Variants in SEMA6D observed in about 807,000 individuals in gnomAD.
The protein encoded by SEMA6D is semaphorin 6D.
SEMA6D carries 35 observed loss-of-function variants against 106.6 expected under a neutral mutation model. The observed-to-expected ratio is 0.33, with a 90% CI of 0.25 to 0.44. SEMA6D has a LOEUF of 0.44. Among genes scored for constraint, SEMA6D ranks in the 20% least tolerant of loss-of-function variants. The probability of loss-of-function intolerance (pLI) is 1.00; values close to 1 mark genes in which losing one functional copy is unlikely to be tolerated. For missense variants in SEMA6D, 1,185 were observed against 1,345.9 expected (o/e 0.88, Z 1.87); for synonymous variants, 499 against 487.7 (o/e 1.02, Z -0.31).
chr15:47,527,040 A>G (rs2044783902), intron 3 of SEMA6D, among the ~76,000 whole-genome samples: 1 of 152,148 alleles, frequency 6.6e-6, no homozygotes, highest in Non-Finnish European at 1.5e-5. Flanking sequence ...CCCGGCCTGA[A>G]CCAGTAATTC....
chr15:47,278,807 G>C (rs1289640526), intron 1 of SEMA6D, among the ~76,000 whole-genome samples: 2 of 148,046 alleles, frequency 1.4e-5, no homozygotes, highest in East Asian at 4.1e-4. Flanking sequence ...GTAAGGAAGG[G>C]ATCCAGTTTC....
intron 4 of SEMA6D, among the ~76,000 whole-genome samples, chr15:47,668,172 C>T (rs112172050): frequency 0.028 from 4,267 of 151,200 alleles, 207 homozygotes; most frequent in African/African-American, 0.1. Flanking sequence ...CTGAACTTCA[C>T]TGACTTTATT....
intron 2 of SEMA6D, among the ~76,000 whole-genome samples, chr15:47,424,301 A>C (rs1342212898): frequency 6.6e-6 from 1 of 152,046 alleles, no homozygotes; most frequent in East Asian, 1.9e-4. Flanking sequence ...AGAAGGATTG[A>C]GAATATATAC....
intron 1 of SEMA6D, among the ~76,000 whole-genome samples, chr15:47,293,758 C>G (rs149045140): frequency 6.6e-6 from 1 of 152,116 alleles, no homozygotes; most frequent in African/African-American, 2.4e-5. Flanking sequence ...TAATGCAGCA[C>G]GTGTATGTAG....
intron 4 of SEMA6D, chr15:47,604,217 T>A (rs1287545499): frequency 6.6e-6 from 1 of 152,200 alleles, no homozygotes; most frequent in African/African-American, 2.4e-5. Flanking sequence ...ACCAAATTAA[T>A]TTGACTTTAA....
intron 3 of SEMA6D, among the ~76,000 whole-genome samples, chr15:47,490,710 G>A (rs1265920870): frequency 6.6e-6 from 1 of 152,014 alleles, no homozygotes; most frequent in Non-Finnish European, 1.5e-5. Flanking sequence ...ACATACAGCT[G>A]ACAAAAGATT....
At chr15:47,763,219 A>G in intron 9 of SEMA6D, 115 bp downstream of exon 9, 1 of 702,440 alleles carries the variant, frequency 1.4e-6, no homozygotes, top group Non-Finnish European at 2.3e-6. Flanking sequence ...TTCAGTATAC[A>G]TAGGGCCAAC....
intron 2 of SEMA6D, among the ~76,000 whole-genome samples, chr15:47,455,987 A>G (rs986440585): frequency 6.6e-6 from 1 of 151,928 alleles, no homozygotes; most frequent in African/African-American, 2.4e-5. Flanking sequence ...TGCCATGATG[A>G]TGATGGCGAT....
At chr15:47,259,694 G>C (rs1486549536) in intron 1 of SEMA6D, among the ~76,000 whole-genome samples, 1 of 152,102 alleles carries the variant, frequency 6.6e-6, no homozygotes, top group African/African-American at 2.4e-5. Flanking sequence ...CATTACCAGA[G>C]TCTTGAATCT....
At chr15:47,658,616 G>C (rs888683331) in intron 4 of SEMA6D, among the ~76,000 whole-genome samples, 1 of 152,088 alleles carries the variant, frequency 6.6e-6, no homozygotes, top group African/African-American at 2.4e-5. Context: ...GTTGGACTGC[G>C]CAATCCTTCC....
intron 4 of SEMA6D, among the ~76,000 whole-genome samples, chr15:47,658,271 A>G (rs1303398790): frequency 6.6e-6 from 1 of 152,180 alleles, no homozygotes; most frequent in Non-Finnish European, 1.5e-5. Flanking sequence ...AACTGATCAT[A>G]TTAATAGATA....
At chr15:47,227,567 T>TCA (rs1385153004) in intron 1 of SEMA6D, among the ~76,000 whole-genome samples, 29 of 87,322 alleles carry the variant, frequency 3.3e-4, no homozygotes, top group Non-Finnish European at 3.9e-4. Flanking sequence ...TCTCTCTCTC[T>TCA]CTCACACACA....
chr15:47,687,955 C>T (rs1419072367), intron 4 of SEMA6D, among the ~76,000 whole-genome samples: 2 of 152,074 alleles, frequency 1.3e-5, no homozygotes, highest in Non-Finnish European at 2.9e-5. Flanking sequence ...TTTGATAGCT[C>T]ATGTTCCTGT....
At chr15:47,490,161 C>T (rs2043427681) in intron 3 of SEMA6D, among the ~76,000 whole-genome samples, 1 of 152,132 alleles carries the variant, frequency 6.6e-6, no homozygotes, top group African/African-American at 2.4e-5. Context: ...TCTCCTTAGA[C>T]TTTCAGTTCC....
rs137966494 is a variant in SEMA6D at position 47,689,801 on chromosome 15, C to T, written c.-54-69944C>T. 4.1e-3 allele frequency among the ~76,000 whole-genome samples: 632 copies of T among 152,332 alleles called. 4 individuals are homozygous for T. Among genetic ancestry groups the T allele is most frequent in the African/African-American group, 0.015 (613 of 41,570 alleles). On this transcript the variant is annotated intron_variant, in intron 4 of 19. Transcript: ENST00000558014. ...TTCCCTCCCCTTCTTCTGGGCATGT[C>T]TCTCCGCAGAGGACTGACTTCCATG...
At chr15:47,494,937 C>T (rs2043605555) in intron 3 of SEMA6D, among the ~76,000 whole-genome samples, 1 of 150,602 alleles carries the variant, frequency 6.6e-6, no homozygotes, top group Non-Finnish European at 1.5e-5. Context: ...AAGAGAAATG[C>T]AGTTTTTTGT....
intron 1 of SEMA6D, among the ~76,000 whole-genome samples, chr15:47,337,371 G>C (rs978545936): frequency 6.6e-6 from 1 of 152,124 alleles, no homozygotes; most frequent in African/African-American, 2.4e-5. Context: ...ATTCCCTGGT[G>C]GAAAGGCCCT....
At chr15:47,763,706 C>A (rs2082184725) in intron 9 of SEMA6D, 144 bp from the exon 10 acceptor site, 2 of 743,036 alleles carry the variant, frequency 2.7e-6, no homozygotes, top group African/African-American at 3.5e-5. Flanking sequence ...TCTTACTGAA[C>A]AGATCCCTAG....
At chr15:47,684,125 T>A (rs2078419732) in intron 4 of SEMA6D, among the ~76,000 whole-genome samples, 1 of 152,214 alleles carries the variant, frequency 6.6e-6, no homozygotes, top group African/African-American at 2.4e-5. Context: ...AAGATGCTGA[T>A]GGCTTCCTAA....
Sources: gnomAD v4.1 joint callset for allele counts (sites outside exome capture counted in the v4.1 genomes callset) on GRCh38, gnomAD v4.1.1 for gene constraint, MANE v1.5 for transcripts, NCBI Gene and HGNC (gene_info 2026-07-23, HGNC 2026-07-21) for gene names.